The following AKAP19 variants were observed in gnomAD, a reference collection of about 807,000 sequenced individuals.
AKAP19 encodes small A-kinase anchoring protein.
At chr2:190,070,300 A>G in the AKAP19 span, among the ~76,000 whole-genome samples, 5 of 152,108 alleles carry the variant, frequency 3.3e-5, no homozygotes, top group Non-Finnish European at 7.4e-5. Flanking sequence ...TCAAATTTCA[A>G]TATTTTAAAT....
chr2:190,153,403 A>G, the AKAP19 span, among the ~76,000 whole-genome samples: 1 of 152,142 alleles, frequency 6.6e-6, no homozygotes, highest in African/African-American at 2.4e-5. Flanking sequence ...TTTCTATGGT[A>G]TTGGAGGTAC....
the AKAP19 span, chr2:190,057,103 A>T: frequency 8.2e-6 from 6 of 728,096 alleles, no homozygotes; most frequent in Non-Finnish European, 1.3e-5. Flanking sequence ...ACCATTGCAT[A>T]TATTCCCCCT....
At chr2:190,178,444 T>C in the AKAP19 span, among the ~76,000 whole-genome samples, 4 of 152,178 alleles carry the variant, frequency 2.6e-5, no homozygotes, top group African/African-American at 9.7e-5. This position sits in a 1 kb window ranked among gnomAD's most constrained non-coding sequence, Gnocchi z 6.3. Flanking sequence ...AGGGTGGTGG[T>C]GCGGTCTCCC....
At chr2:190,153,657 A>G in the AKAP19 span, among the ~76,000 whole-genome samples, 4 of 152,186 alleles carry the variant, frequency 2.6e-5, no homozygotes, top group African/African-American at 7.2e-5. Context: ...TATAAAAATA[A>G]TTTTCCATCA....
the AKAP19 span, among the ~76,000 whole-genome samples, chr2:189,930,059 G>C: frequency 2.6e-5 from 4 of 152,116 alleles, no homozygotes; most frequent in Admixed American, 2.0e-4. Context: ...ATTGGGTCAA[G>C]GCCTTACATA....
At chr2:190,166,300 A>T in the AKAP19 span, among the ~76,000 whole-genome samples, 1 of 142,060 alleles carries the variant, frequency 7.0e-6, no homozygotes, top group Non-Finnish European at 1.6e-5. Context: ...GAAGGAATTA[A>T]AAAAAAAAAA....
chr2:190,202,881 A>C, the AKAP19 span: 1 of 167,102 alleles, frequency 6.0e-6, no homozygotes, highest in African/African-American at 2.4e-5. Flanking sequence ...GTTGTCGCTT[A>C]TGTACTGTTG....
the AKAP19 span, chr2:190,181,228 T>A: frequency 1.2e-6 from 1 of 868,830 alleles, no homozygotes; most frequent in Non-Finnish European, 1.4e-6. Context: ...CAGGAGGCTT[T>A]AATTAAACGA....
chr2:189,917,282 G>A, the AKAP19 span: 13 of 1,394,222 alleles, frequency 9.3e-6, no homozygotes, highest in South Asian at 1.3e-5. Context: ...AATCAGTTTT[G>A]GTTTCTTCAT....
chr2:189,954,719 A>G, the AKAP19 span, among the ~76,000 whole-genome samples: 1 of 152,232 alleles, frequency 6.6e-6, no homozygotes, highest in African/African-American at 2.4e-5. Context: ...GGCATATGTC[A>G]GAGTAATTTA....
chr2:189,892,039 G>C, the AKAP19 span, among the ~76,000 whole-genome samples: 1 of 151,400 alleles, frequency 6.6e-6, no homozygotes, highest in Admixed American at 6.6e-5. Flanking sequence ...ATTGATACTT[G>C]TGTATGCTTC....
At chr2:189,956,177 C>CTTTCTTT in the AKAP19 span, among the ~76,000 whole-genome samples, 8 of 122,952 alleles carry the variant, frequency 6.5e-5, no homozygotes, top group Non-Finnish European at 1.1e-4. Context: ...TCTTTTTTTT[C>CTTTCTTT]TTTTTTTTTT....
the AKAP19 span, among the ~76,000 whole-genome samples, chr2:190,155,504 T>C: frequency 6.6e-6 from 1 of 152,178 alleles, no homozygotes; most frequent in Non-Finnish European, 1.5e-5. Flanking sequence ...TAGATTAGAC[T>C]AGAAGAGGGT....
the AKAP19 span, chr2:190,201,081 G>A: frequency 6.0e-6 from 1 of 166,982 alleles, no homozygotes; most frequent in Non-Finnish European, 1.5e-5. Flanking sequence ...ATTTACAGTT[G>A]TATTGCAAAA....
At chr2:189,962,339 A>G in the AKAP19 span, among the ~76,000 whole-genome samples, 1 of 152,302 alleles carries the variant, frequency 6.6e-6, no homozygotes, top group Non-Finnish European at 1.5e-5. Context: ...TTGCCCAAAG[A>G]TGCAATCCCC....
At chr2:190,018,278 TC>T in the AKAP19 span, among the ~76,000 whole-genome samples, 1 of 152,124 alleles carries the variant, frequency 6.6e-6, no homozygotes. Flanking sequence ...TCCTATTCTA[TC>T]AACTTTTTAC....
At chr2:190,036,358 C>G in the AKAP19 span, among the ~76,000 whole-genome samples, 53 of 152,284 alleles carry the variant, frequency 3.5e-4, no homozygotes, top group Non-Finnish European at 7.1e-4. Flanking sequence ...TTAGGAAAGT[C>G]AGGGCTTAAA....
the AKAP19 span, among the ~76,000 whole-genome samples, chr2:189,976,080 T>C: frequency 6.6e-6 from 1 of 152,250 alleles, no homozygotes; most frequent in Non-Finnish European, 1.5e-5. Flanking sequence ...TTCAGCTTCC[T>C]GCTCTGTTTT....
the AKAP19 span, chr2:190,180,651 C>G: frequency 4.1e-6 from 4 of 985,400 alleles, no homozygotes; most frequent in Non-Finnish European, 4.8e-6. The surrounding 1 kb of genome is among the most constrained non-coding windows in gnomAD (Gnocchi z 6.8). Flanking sequence ...TGCCTCGGAC[C>G]CTGCGCCTGA....
Sources: allele counts gnomAD v4.1 joint callset (sites outside exome capture counted in the v4.1 genomes callset), GRCh38; gene constraint gnomAD v4.1.1; non-coding constraint Gnocchi (gnomAD v3.1); transcripts MANE v1.5; gene names NCBI Gene and HGNC (gene_info 2026-07-23, HGNC 2026-07-21).